Variants in TMEM131 observed in about 807,000 individuals in gnomAD.
The protein encoded by TMEM131 is 2610524E03Rik.
A neutral mutation model predicts 211.6 loss-of-function variants in TMEM131; 66 were observed. That is an observed-to-expected ratio of 0.31 (90% confidence interval 0.26 to 0.38). The LOEUF (loss-of-function observed/expected upper bound fraction) is 0.38, where lower values mean the gene tolerates loss of function less well. TMEM131 is among the 10% of genes least tolerant of loss of function. The pLI is 1.00. For missense variants in TMEM131, 2,036 were observed against 2,299.3 expected, an observed-to-expected ratio of 0.89 and a Z score of 2.34; for synonymous variants, 844 against 841.3, an observed-to-expected ratio of 1.00 and a Z score of -0.06.
intron 1 of TMEM131, among the ~76,000 whole-genome samples, chr2:97,958,854 T>A (rs766776809): frequency 6.6e-6 from 1 of 151,744 alleles, no homozygotes; most frequent in Non-Finnish European, 1.5e-5. Flanking sequence ...AAGGAAGAAA[T>A]GGTAGAGGGC....
At chr2:97,961,568 T>C (rs1003585908) in intron 1 of TMEM131, among the ~76,000 whole-genome samples, 1 of 152,152 alleles carries the variant, frequency 6.6e-6, no homozygotes, top group African/African-American at 2.4e-5. Flanking sequence ...GAAATTTACA[T>C]GGAAATGGAA....
intron 1 of TMEM131, among the ~76,000 whole-genome samples, chr2:97,928,173 C>G (rs1677067824): frequency 6.6e-6 from 1 of 152,086 alleles, no homozygotes; most frequent in African/African-American, 2.4e-5. Context: ...AGATGGCCAT[C>G]AAAGGTGAAC....
intron 3 of TMEM131, among the ~76,000 whole-genome samples, chr2:97,906,400 C>T (rs6543202): frequency 1.3e-5 from 2 of 152,072 alleles, no homozygotes; most frequent in African/African-American, 4.8e-5. Flanking sequence ...GTTGTAAATT[C>T]TGTCTACAAA....
intron 1 of TMEM131, among the ~76,000 whole-genome samples, chr2:97,972,453 GGGGAGGGAGGGAAGGC>G (rs1553622379): frequency 6.9e-6 from 1 of 145,854 alleles, no homozygotes. Flanking sequence ...GAGGGAGGGA[GGGGAGGGAGGGAAGGC>G]GGGCGGGAGG....
chr2:97,769,670 T>C (rs1265960173), intron 33 of TMEM131, among the ~76,000 whole-genome samples: 1 of 152,268 alleles, frequency 6.6e-6, no homozygotes, highest in Admixed American at 6.5e-5. Context: ...AAACATATAC[T>C]GTTGATAAAC....
chr2:97,836,952 T>G (rs1573438350), intron 8 of TMEM131, 125 bp downstream of exon 8: 1 of 748,696 alleles, frequency 1.3e-6, no homozygotes, highest in Admixed American at 2.7e-5. Context: ...AAATTAACAT[T>G]AAGACAACGA....
intron 31 of TMEM131, among the ~76,000 whole-genome samples, chr2:97,786,509 ACT>A (rs1004911016): frequency 3.3e-4 from 50 of 152,258 alleles, no homozygotes; most frequent in African/African-American, 1.2e-3. Flanking sequence ...AGCCAGTGAG[ACT>A]CTGTCTTAAC....
chr2:97,895,361 G>C (rs1675564267), intron 3 of TMEM131, among the ~76,000 whole-genome samples: 1 of 151,892 alleles, frequency 6.6e-6, no homozygotes, highest in African/African-American at 2.4e-5. Context: ...CCAGGTTTTG[G>C]ATCAGACGAT....
intron 2 of TMEM131, among the ~76,000 whole-genome samples, chr2:97,926,476 T>A (rs1294522080): frequency 1.3e-5 from 2 of 152,104 alleles, no homozygotes. Flanking sequence ...TTCAAAAGGG[T>A]CTTCTATTCA....
chr2:97,975,387 CAAG>C (rs1679485102), intron 1 of TMEM131, among the ~76,000 whole-genome samples: 1 of 151,638 alleles, frequency 6.6e-6, no homozygotes, highest in South Asian at 2.1e-4. Context: ...CCAGTCTGAT[CAAG>C]AAAAAAACGA....
At chr2:97,936,888 G>C (rs1272529169) in intron 1 of TMEM131, among the ~76,000 whole-genome samples, 1 of 152,020 alleles carries the variant, frequency 6.6e-6, no homozygotes, top group African/African-American at 2.4e-5. Flanking sequence ...TATATTCAAA[G>C]AACTAAAGGA....
chr2:97,982,009 T>C (rs1374679755), intron 1 of TMEM131, among the ~76,000 whole-genome samples: 1 of 152,226 alleles, frequency 6.6e-6, no homozygotes, highest in African/African-American at 2.4e-5. Context: ...CACAAGTTTT[T>C]ATGTGCAAGT....
intron 1 of TMEM131, among the ~76,000 whole-genome samples, chr2:97,968,158 A>G (rs1348716128): frequency 6.6e-6 from 1 of 152,140 alleles, no homozygotes; most frequent in Non-Finnish European, 1.5e-5. Context: ...TTGTGTCATT[A>G]TCTTTCTACA....
chr2:97,816,402 G>C (rs1239122483), intron 12 of TMEM131, among the ~76,000 whole-genome samples: 1 of 152,086 alleles, frequency 6.6e-6, no homozygotes, highest in Non-Finnish European at 1.5e-5. Flanking sequence ...GATTCAGTTG[G>C]GTCCAATCTA....
chr2:97,774,540 G>A (rs1474220506), intron 32 of TMEM131, among the ~76,000 whole-genome samples: 6 of 152,350 alleles, frequency 3.9e-5, no homozygotes, highest in African/African-American at 9.6e-5. Flanking sequence ...CATGAAGGAT[G>A]TGAGTTCTGA....
chr2:97,918,652 G>A (rs1676612144), intron 2 of TMEM131, among the ~76,000 whole-genome samples: 1 of 152,106 alleles, frequency 6.6e-6, no homozygotes, highest in Non-Finnish European at 1.5e-5. Context: ...ATAGCATAAA[G>A]GAGACTTAGG....
intron 1 of TMEM131, among the ~76,000 whole-genome samples, chr2:97,985,343 G>A (rs1267216264): frequency 6.8e-6 from 1 of 146,270 alleles, no homozygotes; most frequent in Admixed American, 6.8e-5. Context: ...ATTTCATACA[G>A]TTTTACTTAA....
chr2:97,942,966 A>C (rs1321814445), intron 1 of TMEM131, among the ~76,000 whole-genome samples: 3 of 144,448 alleles, frequency 2.1e-5, no homozygotes, highest in African/African-American at 7.9e-5. Flanking sequence ...TACAAAAAAA[A>C]AGAAAGAAAG....
chr2:97,831,097 C>G (rs1682660779), intron 11 of TMEM131, among the ~76,000 whole-genome samples: 1 of 152,210 alleles, frequency 6.6e-6, no homozygotes, highest in South Asian at 2.1e-4. Context: ...GGTGGGAAAT[C>G]TAAGCCACCA....
Sources: gnomAD v4.1 joint callset for allele counts (sites outside exome capture counted in the v4.1 genomes callset) on GRCh38, gnomAD v4.1.1 for gene constraint, MANE v1.5 for transcripts, NCBI Gene and HGNC (gene_info 2026-07-23, HGNC 2026-07-21) for gene names.